Variants in ZNF655 observed in about 807,000 individuals in gnomAD.
The protein encoded by ZNF655 is Vav-interacting Kruppel-like protein 1.
ZNF655 carries 3 observed loss-of-function variants against 6.6 expected under a neutral mutation model. The observed-to-expected ratio is 0.46, with a 90% confidence interval of 0.21 to 1.18. ZNF655 has a LOEUF of 1.18. Ranked by LOEUF, ZNF655 falls within the 50% of genes most tolerant of loss-of-function variation. The pLI is 0.24. For missense variants in ZNF655, 526 were observed against 572.3 expected (o/e 0.92, Z 0.83); for synonymous variants, 178 against 195.0 (o/e 0.91, Z 0.73).
chr7:99,573,851 T>C lies in ZNF655; in HGVS notation c.*267T>C. ...CAAATGTATTGAATGTGGCAAATTT[T>C]TCATGCTATTAGTATTTTCATACCT... On this transcript the variant is annotated 3_prime_UTR_variant, in exon 3 of 3. Transcript: ENST00000252713. 1 of 408,820 alleles carries C rather than the reference T, an allele frequency of 2.4e-6. No homozygotes were observed. Among genetic ancestry groups the C allele is most frequent in the Non-Finnish European group, 4.3e-6 (1 of 230,448 alleles). 25.3% of individuals were successfully genotyped at this position (408,820 alleles called of 1,614,324 possible).
Position 99,560,670 on chromosome 7 carries a change from C to T in ZNF655, c.111C>T (p.Thr37=), listed in dbSNP as rs745341938. 40 of 1,613,782 alleles carry T rather than the reference C, an allele frequency of 2.5e-5. No homozygotes were observed. In the Admixed American group the frequency reaches 2.7e-4, roughly 11 times the overall value. ...LSPEPQFVQD[T]DMEQGLTGDG... is the part of the protein sequence containing the mutation. Reference sequence around the variant, plus strand: ...CAGAGCCTCAGTTTGTGCAGGACACCGACATGGAACAGGGACTCACTGGGG... The same window carrying T: ...CAGAGCCTCAGTTTGTGCAGGACACTGACATGGAACAGGGACTCACTGGGG... The change falls in exon 2 of 3, where the codon ACC becomes ACT. Residue 37 remains threonine, a synonymous_variant. Coordinates refer to ENST00000252713, the MANE Select transcript of ZNF655 (RefSeq NM_138494.3).
rs187368502 is a variant in ZNF655, at chr7:99,559,917, C to T, written c.-27-616C>T. ...TGTTGGGATTACAGGCTTGAGCCAC[C>T]GCACGTGGCCAATTTTAAATATTTT... On this transcript the variant is annotated intron_variant, in intron 1 of 2. Coordinates refer to ENST00000252713, the MANE Select transcript of ZNF655 (RefSeq NM_138494.3). 5.2e-3 allele frequency among the ~76,000 whole-genome samples: 792 copies of T among 151,594 alleles called. 6 individuals carry two copies. The highest frequency in any genetic ancestry group is 0.017 in the African/African-American group (717 of 41,312).
At chr7:99,571,694 CA>C (rs1804082669) in intron 2 of ZNF655, 1 of 1,606,478 alleles carries the variant, frequency 6.2e-7, no homozygotes, top group East Asian at 2.2e-5. Context: ...GCAGGATTTC[CA>C]ATTTCCAAGC....
chr7:99,569,560 G>A (rs758763046), intron 2 of ZNF655, among the ~76,000 whole-genome samples: 14 of 152,122 alleles, frequency 9.2e-5, no homozygotes, highest in Middle Eastern at 3.2e-3. Flanking sequence ...GTAACCTTGG[G>A]CAAGCTACTT....
intron 2 of ZNF655, chr7:99,570,339 G>A (rs552049232): frequency 6.6e-6 from 1 of 152,270 alleles, no homozygotes; most frequent in Non-Finnish European, 1.5e-5. Context: ...TTAAATATAT[G>A]TCCACAAGGA....
intron 2 of ZNF655, chr7:99,561,871 C>A (rs546196495): frequency 2.0e-6 from 3 of 1,478,188 alleles, no homozygotes; most frequent in Non-Finnish European, 2.7e-6. Flanking sequence ...ACTCTTCACT[C>A]CTTTCTCCTC....
chr7:99,567,006 G>A (rs1021762185), intron 2 of ZNF655, among the ~76,000 whole-genome samples: 36 of 152,000 alleles, frequency 2.4e-4, no homozygotes, highest in African/African-American at 7.5e-4. Flanking sequence ...TGCAACCTCC[G>A]CCTCTCAGGC....
chr7:99,562,133 C>G (rs1246938815), intron 2 of ZNF655: 3 of 767,562 alleles, frequency 3.9e-6, no homozygotes, highest in Non-Finnish European at 6.0e-6. Context: ...TCACATAAAC[C>G]AACTTCCCAT....
At chr7:99,561,888 C>A in intron 2 of ZNF655, 1 of 1,538,306 alleles carries the variant, frequency 6.5e-7, no homozygotes, top group South Asian at 1.2e-5. Context: ...CCTCCCTCAG[C>A]TCCACCTGTT....
In ZNF655 at chr7:99,573,079, T is replaced by C; in HGVS notation, c.971T>C (p.Ile324Thr). The change falls in exon 3 of 3, where the codon ATT becomes ACT. Residue 324 changes from isoleucine to threonine, a missense_variant. Physicochemically the swap from Ile to Thr is moderately conservative, Grantham distance 89. Transcript: ENST00000252713. Reference protein sequence around the residue: ...RSVHLTQHQKIHKEMPCKCTV... With the variant: ...RSVHLTQHQKTHKEMPCKCTV... Reference sequence around the variant, plus strand: ...GTCCACCTTACTCAACATCAGAAAATTCACAAAGAGATGCCCTGTAAGTGT... The same window carrying C: ...GTCCACCTTACTCAACATCAGAAAACTCACAAAGAGATGCCCTGTAAGTGT... 6.2e-7 allele frequency: 1 copy of C among 1,614,086 alleles called. No homozygotes were observed. Among genetic ancestry groups the C allele is most frequent in the Non-Finnish European group, 8.5e-7 (1 of 1,179,972 alleles).
At chr7:99,561,718 G>A (rs1756799308) in intron 2 of ZNF655, among the ~76,000 whole-genome samples, 1 of 152,252 alleles carries the variant, frequency 6.6e-6, no homozygotes, top group African/African-American at 2.4e-5. Flanking sequence ...AGGCATGCAA[G>A]TACTGAGACG....
intron 2 of ZNF655, chr7:99,564,707 C>T: frequency 3.0e-6 from 3 of 985,094 alleles, no homozygotes; most frequent in Non-Finnish European, 3.6e-6. Context: ...AACAGTTAAC[C>T]TGTCTACTTT....
chr7:99,559,178 T>C (rs936030885), intron 1 of ZNF655, among the ~76,000 whole-genome samples: 9 of 152,100 alleles, frequency 5.9e-5, no homozygotes, highest in Admixed American at 1.3e-4. Flanking sequence ...CATGCGTCCT[T>C]GGGCCTGAAG....
chr7:99,571,782 T>G, intron 2 of ZNF655: 4 of 1,601,166 alleles, frequency 2.5e-6, no homozygotes, highest in Non-Finnish European at 3.4e-6. Context: ...TCTTAAGAGA[T>G]GACTGCTCAG....
At chr7:99,566,632 A>C (rs990273319) in intron 2 of ZNF655, among the ~76,000 whole-genome samples, 4 of 152,108 alleles carry the variant, frequency 2.6e-5, no homozygotes, top group African/African-American at 9.7e-5. Context: ...ATAACAGCTC[A>C]CTGCAGCCTG....
At chr7:99,563,721 T>G in intron 2 of ZNF655, 1 of 852,884 alleles carries the variant, frequency 1.2e-6, no homozygotes, top group Non-Finnish European at 1.8e-6. Context: ...GTTGGCTTTG[T>G]CTATGCTGGT....
In ZNF655 at chr7:99,576,164, T is replaced by A. The variant is rs1283659068; in HGVS notation, c.*2580T>A. The A allele has an allele frequency of 6.6e-6, 1 of 152,592 alleles. No individual in the cohort carries two copies. Among genetic ancestry groups the A allele is most frequent in the Non-Finnish European group, 1.5e-5 (1 of 68,038 alleles). The allele number at this position is 152,592 out of a possible 1,614,324, so 9.5% of individuals were successfully genotyped here. ...GATAGTTCTGCCACTATATTTTACT[T>A]CTTTGCCATCAGCAAGAGTAGGATT... On this transcript the variant is annotated 3_prime_UTR_variant, in exon 3 of 3. Coordinates refer to ENST00000252713, the MANE Select transcript of ZNF655 (RefSeq NM_138494.3).
rs1804187264 is a variant in ZNF655 at position 99,572,884 on chromosome 7, A to G, written c.776A>G (p.Lys259Arg). The G allele has an allele frequency of 2.5e-6, 4 of 1,614,046 alleles. No homozygotes were observed. In the African/African-American group the frequency reaches 5.3e-5, roughly 22 times the overall value. ...FSQSSSLSRH[K>R]RIHTREKPYK... Reference sequence around the variant, plus strand: ...CAGAGCTCAAGTCTTAGTCGACATAAAAGAATACACACTAGAGAAAAACCT... The same window carrying G: ...CAGAGCTCAAGTCTTAGTCGACATAGAAGAATACACACTAGAGAAAAACCT... The change falls in exon 3 of 3, where the codon AAA becomes AGA. Residue 259 changes from lysine to arginine, a missense_variant. By Grantham distance (26) the Lys-to-Arg change is conservative (BLOSUM62 2). Transcript: ENST00000252713.
intron 2 of ZNF655, among the ~76,000 whole-genome samples, chr7:99,567,170 G>C (rs986112040): frequency 6.6e-6 from 1 of 152,164 alleles, no homozygotes; most frequent in Non-Finnish European, 1.5e-5. Flanking sequence ...TCCACATCCA[G>C]CCTTAAAATC....
Sources: allele counts gnomAD v4.1 joint callset (sites outside exome capture counted in the v4.1 genomes callset), GRCh38; gene constraint gnomAD v4.1.1; transcripts MANE v1.5; gene names NCBI Gene and HGNC (gene_info 2026-07-23, HGNC 2026-07-21).